Variants in AKT2 observed in about 807,000 individuals in gnomAD.
AKT2 encodes the protein RAC-beta serine/threonine-protein kinase.
In AKT2, 16 loss-of-function variants were observed where a neutral mutation model predicts 58.6. That is an observed-to-expected ratio of 0.27 (90% confidence interval 0.18 to 0.41). AKT2 has a LOEUF of 0.41. Among genes scored for constraint, AKT2 ranks in the 10% least tolerant of loss-of-function variants. The probability of loss-of-function intolerance (pLI) is 1.00; values close to 1 mark genes in which losing one functional copy is unlikely to be tolerated. For synonymous variants in AKT2, 253 were observed against 254.0 expected, an observed-to-expected ratio of 1.00 and a Z score of 0.04; for missense variants, 438 against 661.0, an observed-to-expected ratio of 0.66 and a Z score of 3.70.
In AKT2 at chr19:40,242,448, G is replaced by A. The variant is rs903425181; in HGVS notation, c.441+86C>T. ...GTCTCTCAGCTGAGCCCCCTGAACTGTGTTATGGAAACCAAGGAGAGCAGG... is the reference window on the plus strand; with the variant it reads ...GTCTCTCAGCTGAGCCCCCTGAACTATGTTATGGAAACCAAGGAGAGCAGG... On this transcript the variant is annotated intron_variant, in intron 5 of 13. Coordinates refer to ENST00000392038, the MANE Select transcript of AKT2 (RefSeq NM_001626.6). The surrounding 1 kb of genome is among the most constrained non-coding windows in gnomAD (Gnocchi z 4.3). 34 of 1,583,654 alleles carry A rather than the reference G, an allele frequency of 2.1e-5. No homozygotes were observed. Among genetic ancestry groups the A allele is most frequent in the Non-Finnish European group, 2.8e-5 (32 of 1,160,840 alleles).
chr19:40,266,968 T>C (rs1465908240), intron 1 of AKT2, among the ~76,000 whole-genome samples: 1 of 152,070 alleles, frequency 6.6e-6, no homozygotes, highest in African/African-American at 2.4e-5. Context: ...TCTCAAAAAA[T>C]ATATAAATAT....
intron 1 of AKT2, among the ~76,000 whole-genome samples, chr19:40,268,112 A>G (rs1292876686): frequency 1.3e-5 from 2 of 152,140 alleles, no homozygotes; most frequent in African/African-American, 4.8e-5. Flanking sequence ...CCCTACACGG[A>G]CCTACACCAC....
chr19:40,249,631 G>C (rs946397091), intron 4 of AKT2, among the ~76,000 whole-genome samples: 11 of 152,260 alleles, frequency 7.2e-5, no homozygotes, highest in African/African-American at 2.2e-4. Context: ...ACCTAGAGGG[G>C]CATTTACAGC....
chr19:40,276,198 C>T (rs1399481740), intron 1 of AKT2, among the ~76,000 whole-genome samples: 1 of 151,724 alleles, frequency 6.6e-6, no homozygotes, highest in African/African-American at 2.4e-5. Context: ...CCATCTCTCC[C>T]GCACCCCAAC....
intron 4 of AKT2, among the ~76,000 whole-genome samples, chr19:40,246,514 A>G (rs1182755555): frequency 6.6e-6 from 1 of 150,734 alleles, no homozygotes; most frequent in Non-Finnish European, 1.5e-5. Context: ...GCGGATTGGG[A>G]AAAAAAAAAT....
chr19:40,238,099 A>AG lies in AKT2; in HGVS notation c.709-9dup, dbSNP rs765733428. ...GGACAGGTGGAAGAACAGCTGCAGG[A>AG]GGAAGGGGTGGGGAGAGGAGGTCAG... On this transcript the variant is annotated splice_polypyrimidine_tract_variant and intron_variant, in intron 8 of 13. Transcript: ENST00000392038. This position sits in a 1 kb window ranked among gnomAD's most constrained non-coding sequence, Gnocchi z 5.1. 3.8e-6 allele frequency: 6 copies of AG among 1,590,536 alleles called. No homozygotes were observed. The highest frequency in any genetic ancestry group is 5.1e-6 in the Non-Finnish European group (6 of 1,168,958).
intron 1 of AKT2, among the ~76,000 whole-genome samples, chr19:40,266,723 T>A (rs551548197): frequency 1.3e-4 from 20 of 152,278 alleles, no homozygotes; most frequent in African/African-American, 4.1e-4. Context: ...AGCAGGAGAA[T>A]CCCTTGAGCC....
intron 6 of AKT2, chr19:40,240,432 A>G (rs1974324460): frequency 1.8e-6 from 1 of 545,518 alleles, no homozygotes; most frequent in Non-Finnish European, 3.5e-6. Context: ...GTGCCACCAC[A>G]GGCTGTGGGA....
At chr19:40,284,169 A>G (rs1273532298) in intron 1 of AKT2, among the ~76,000 whole-genome samples, 1 of 152,114 alleles carries the variant, frequency 6.6e-6, no homozygotes, top group East Asian at 1.9e-4. Flanking sequence ...AGAGGTCCTC[A>G]CAATCCCAAG....
chr19:40,233,466 G>A lies in AKT2; in HGVS notation c.*406C>T, dbSNP rs1403090412. On this transcript the variant is annotated 3_prime_UTR_variant, in exon 14 of 14. Transcript: ENST00000392038. The surrounding 1 kb of genome is among the most constrained non-coding windows in gnomAD (Gnocchi z 4.3). ...GCAGCACCACTGTCTGCCGGGTGTC[G>A]CGTCCCACCAGAAGGCAGCCTTCGT... 4.9e-5 allele frequency: 26 copies of A among 531,902 alleles called. No homozygotes were observed. Among genetic ancestry groups the A allele is most frequent in the Middle Eastern group, 6.1e-4 (2 of 3,292 alleles). 32.9% of individuals were successfully genotyped at this position (531,902 alleles called of 1,614,324 possible). A position where few individuals can be genotyped will look rare whatever the true frequency, so the allele number is the denominator to read the frequency against.
At position 40,240,102 on chromosome 19, in the gene AKT2, G is replaced by A. The variant is rs771299029; in HGVS notation, c.582C>T (p.Val194=). 7.4e-6 allele frequency: 12 copies of A among 1,613,890 alleles called. No individual in the cohort carries two copies. Among genetic ancestry groups the A allele is most frequent in the Middle Eastern group, 1.6e-4 (1 of 6,084 alleles). Residue 194 remains valine, a synonymous_variant, in exon 7 of 14, where the codon GTC becomes GTT. Coordinates refer to ENST00000392038, the MANE Select transcript of AKT2 (RefSeq NM_001626.6). ...RKEVIIAKDE[V]AHTVTESRVL... ...CCCGGCTCTCGGTGACTGTGTGAGCGACTTCATCCTGCAGACAGACTGCGG... is the reference window on the plus strand; with the variant it reads ...CCCGGCTCTCGGTGACTGTGTGAGCAACTTCATCCTGCAGACAGACTGCGG...
chr19:40,261,269 ACGCCT>A (rs1487637521), intron 2 of AKT2, among the ~76,000 whole-genome samples: 1 of 152,320 alleles, frequency 6.6e-6, no homozygotes. Flanking sequence ...GCAATGGCTC[ACGCCT>A]GTAATCCCAG....
intron 2 of AKT2, among the ~76,000 whole-genome samples, chr19:40,260,808 T>A (rs1975893183): frequency 6.7e-6 from 1 of 150,186 alleles, no homozygotes. Flanking sequence ...CTTAGCCAAG[T>A]GTGGTGGCAC....
chr19:40,262,743 T>C (rs148796834), intron 2 of AKT2, among the ~76,000 whole-genome samples: 373 of 152,356 alleles, frequency 2.4e-3, no homozygotes, highest in African/African-American at 8.6e-3. Context: ...TAAGGTGGCA[T>C]GTGCTCCACA....
chr19:40,252,882 A>G (rs1975265557), intron 4 of AKT2, among the ~76,000 whole-genome samples: 1 of 152,046 alleles, frequency 6.6e-6, no homozygotes, highest in South Asian at 2.1e-4. Context: ...CTGGCCATTC[A>G]TGTTTTGGTC....
intron 1 of AKT2, among the ~76,000 whole-genome samples, chr19:40,272,234 C>A (rs1330985843): frequency 6.6e-6 from 1 of 152,254 alleles, no homozygotes; most frequent in African/African-American, 2.4e-5. Flanking sequence ...TGCCACACAG[C>A]CTTGAGAGTT....
chr19:40,280,500 T>C (rs1600120092), intron 1 of AKT2, among the ~76,000 whole-genome samples: 1 of 152,176 alleles, frequency 6.6e-6, no homozygotes, highest in Admixed American at 6.5e-5. Context: ...GACCGGCTCC[T>C]GGGTCACCTG....
At position 40,234,725 on chromosome 19, in the gene AKT2, T is replaced by C. The variant is rs1450037656; in HGVS notation, c.1366+320A>G. On this transcript the variant is annotated intron_variant, in intron 13 of 13. Coordinates refer to ENST00000392038, the MANE Select transcript of AKT2 (RefSeq NM_001626.6). The surrounding 1 kb of genome is among the most constrained non-coding windows in gnomAD (Gnocchi z 4.7). ...CTCAATCAGTGCTGTGTCCCCAGCA[T>C]AGCCCAGCCCTGGGCTGAGTTCAGA... 7 of 601,330 alleles carry C rather than the reference T, an allele frequency of 1.2e-5. No homozygotes were observed. Among genetic ancestry groups the C allele is most frequent in the African/African-American group, 1.9e-5 (1 of 53,850 alleles). 37.2% of individuals were successfully genotyped at this position (601,330 alleles called of 1,614,324 possible). A position where few individuals can be genotyped will look rare whatever the true frequency, so the allele number is the denominator to read the frequency against.
chr19:40,285,143 T>TGG lies in AKT2; in HGVS notation c.-85+36_-85+37dup, dbSNP rs371604268. The TGG allele has an allele frequency of 1.5e-5, 6 of 390,548 alleles. No individual in the cohort carries two copies. The East Asian group carries it at 2.2e-4, about 14-fold the overall frequency. The allele number at this position is 390,548 out of a possible 1,614,324, so 24.2% of individuals were successfully genotyped here. On this transcript the variant is annotated intron_variant, in intron 1 of 13. Transcript: ENST00000392038. ...GCGGGGGGCCCGGACGCGACCATCG[T>TGG]GGGGGGGGCGTTCGGGGACACGCGC...
Sources: gnomAD v4.1 joint callset for allele counts (sites outside exome capture counted in the v4.1 genomes callset) on GRCh38, gnomAD v4.1.1 for gene constraint, Gnocchi (gnomAD v3.1) non-coding constraint, MANE v1.5 for transcripts, NCBI Gene and HGNC (gene_info 2026-07-23, HGNC 2026-07-21) for gene names.